The following CLVS1 variants were observed in gnomAD, a reference collection of about 807,000 sequenced individuals.
CLVS1 encodes clavesin 1, also known as clavesin-1.
A neutral mutation model predicts 33.1 loss-of-function variants in CLVS1; 10 were observed. The ratio of observed to expected loss-of-function variants is 0.30; its 90% CI spans 0.19 to 0.51. CLVS1 has a LOEUF of 0.51. Among genes scored for constraint, CLVS1 ranks in the 20% least tolerant of loss-of-function variants. The pLI is 0.97. For synonymous variants in CLVS1, 163 were observed against 166.1 expected, an observed-to-expected ratio of 0.98 and a Z score of 0.14; for missense variants, 343 against 433.4, an observed-to-expected ratio of 0.79 and a Z score of 1.85.
At chr8:60,976,578 G>A in the CLVS1 span, among the ~76,000 whole-genome samples, 3 of 152,298 alleles carry the variant, frequency 2.0e-5, no homozygotes, top group African/African-American at 2.4e-5. Flanking sequence ...ATGGGAAGAC[G>A]GTGGAGTAGG....
At chr8:61,292,373 G>A (rs1249225932) in intron 1 of CLVS1, 1 of 456,114 alleles carries the variant, frequency 2.2e-6, no homozygotes, top group East Asian at 6.9e-5. Context: ...ATCACATCCA[G>A]AAGAAGGGTC....
At chr8:61,177,345 C>T (rs1807133490) in intron 2 of CLVS1, among the ~76,000 whole-genome samples, 1 of 152,186 alleles carries the variant, frequency 6.6e-6, no homozygotes, top group African/African-American at 2.4e-5. Context: ...TGGGCCTGAG[C>T]CACTAGCAGG....
At chr8:61,065,517 T>C (rs542742629) in intron 1 of CLVS1, among the ~76,000 whole-genome samples, 1 of 152,130 alleles carries the variant, frequency 6.6e-6, no homozygotes, top group Non-Finnish European at 1.5e-5. Flanking sequence ...GCAGTAGGGG[T>C]TGAAACTAAG....
intron 5 of CLVS1, among the ~76,000 whole-genome samples, chr8:61,492,058 G>A (rs576867086): frequency 1.6e-3 from 249 of 152,262 alleles, no homozygotes; most frequent in Non-Finnish European, 2.4e-3. Flanking sequence ...CACTGATGTT[G>A]TCACCAAAAC....
the CLVS1 span, among the ~76,000 whole-genome samples, chr8:61,002,572 T>C: frequency 1.3e-5 from 2 of 151,966 alleles, no homozygotes; most frequent in Non-Finnish European, 2.9e-5. Context: ...GACCTCATGA[T>C]CCACCTGCCT....
intron 1 of CLVS1, among the ~76,000 whole-genome samples, chr8:61,066,714 G>A (rs187149977): frequency 6.6e-6 from 1 of 152,298 alleles, no homozygotes; most frequent in Non-Finnish European, 1.5e-5. Context: ...CATTCTCAAT[G>A]TACAGTAATG....
chr8:60,985,396 T>C, the CLVS1 span, among the ~76,000 whole-genome samples: 1 of 152,212 alleles, frequency 6.6e-6, no homozygotes, highest in Non-Finnish European at 1.5e-5. Flanking sequence ...TGATCGCCAC[T>C]GGTCCTCCTC....
chr8:61,135,737 G>A (rs1356631931), intron 2 of CLVS1, among the ~76,000 whole-genome samples: 1 of 152,178 alleles, frequency 6.6e-6, no homozygotes, highest in Non-Finnish European at 1.5e-5. Context: ...TATCTGATCT[G>A]GGGGTCTTTA....
intron 2 of CLVS1, among the ~76,000 whole-genome samples, chr8:61,272,993 TC>T (rs1162872139): frequency 1.3e-5 from 2 of 151,010 alleles, no homozygotes; most frequent in Admixed American, 1.3e-4. Context: ...TTCTCTCAGC[TC>T]GTCAAAGTCA....
chr8:61,142,353 C>T (rs774524462), intron 2 of CLVS1, among the ~76,000 whole-genome samples: 1 of 152,176 alleles, frequency 6.6e-6, no homozygotes, highest in African/African-American at 2.4e-5. Flanking sequence ...CCTCCCCAGC[C>T]ATGTGGAACT....
intron 2 of CLVS1, among the ~76,000 whole-genome samples, chr8:61,257,553 G>A (rs772307994): frequency 5.2e-4 from 79 of 152,122 alleles, no homozygotes; most frequent in Non-Finnish European, 9.1e-4. Context: ...GATTTTCTAT[G>A]TACCATTGCA....
chr8:61,181,316 T>G (rs1807223643), intron 2 of CLVS1, among the ~76,000 whole-genome samples: 1 of 152,004 alleles, frequency 6.6e-6, no homozygotes, highest in African/African-American at 2.4e-5. Context: ...AAACCACTGC[T>G]CAAGGAAATA....
At chr8:60,970,495 C>T in the CLVS1 span, among the ~76,000 whole-genome samples, 3 of 152,282 alleles carry the variant, frequency 2.0e-5, no homozygotes, top group Middle Eastern at 6.8e-3. Flanking sequence ...TTTTTTGCAA[C>T]CTTATGTGTC....
At chr8:60,969,023 C>G in the CLVS1 span, among the ~76,000 whole-genome samples, 2 of 151,876 alleles carry the variant, frequency 1.3e-5, no homozygotes, top group East Asian at 3.8e-4. Context: ...ACATACAAGC[C>G]ATGTTCACCT....
chr8:61,384,797 G>T (rs1490122561), intron 3 of CLVS1, among the ~76,000 whole-genome samples: 1 of 152,172 alleles, frequency 6.6e-6, no homozygotes, highest in African/African-American at 2.4e-5. Context: ...TAGGGAGGGA[G>T]AAGCAGTGAC....
intron 2 of CLVS1, among the ~76,000 whole-genome samples, chr8:61,373,169 G>A (rs760416267): frequency 5.9e-5 from 9 of 152,242 alleles, no homozygotes; most frequent in South Asian, 2.1e-4. Flanking sequence ...GGAAAACAAC[G>A]AGGAAATTCA....
intron 5 of CLVS1, among the ~76,000 whole-genome samples, chr8:61,493,724 C>T (rs1804175739): frequency 6.6e-6 from 1 of 152,188 alleles, no homozygotes; most frequent in Non-Finnish European, 1.5e-5. Context: ...CATAGGCTCA[C>T]TATTAGGCAA....
intron 2 of CLVS1, among the ~76,000 whole-genome samples, chr8:61,160,196 T>A (rs1806726137): frequency 6.6e-6 from 1 of 152,202 alleles, no homozygotes; most frequent in Admixed American, 6.5e-5. Flanking sequence ...ATTCTAACCT[T>A]AAATTTTTAC....
At chr8:61,390,548 A>G (rs1814261197) in intron 3 of CLVS1, among the ~76,000 whole-genome samples, 2 of 152,190 alleles carry the variant, frequency 1.3e-5, no homozygotes, top group South Asian at 2.1e-4. Context: ...CCAAACCAAC[A>G]CTGGGTACCA....
Sources: allele counts gnomAD v4.1 joint callset (sites outside exome capture counted in the v4.1 genomes callset), GRCh38; gene constraint gnomAD v4.1.1; transcripts MANE v1.5; gene names NCBI Gene and HGNC (gene_info 2026-07-23, HGNC 2026-07-21).